NFAT5: variants seen among roughly 807,000 people sequenced by gnomAD.
NFAT5 encodes nuclear factor of activated T-cells 5.
Under a neutral mutation model 166.5 loss-of-function variants are expected in NFAT5, and 31 were observed. The ratio of observed to expected loss-of-function variants is 0.19; its 90% CI spans 0.14 to 0.25. The LOEUF (loss-of-function observed/expected upper bound fraction) is 0.25, where lower values mean the gene tolerates loss of function less well. Ranked by LOEUF, NFAT5 falls within the 10% of genes least tolerant of loss-of-function variation. NFAT5 has a pLI of 1.00. For missense variants in NFAT5, 1,449 were observed against 1,821.8 expected (o/e 0.80, Z 3.72); for synonymous variants, 612 against 639.7 (o/e 0.96, Z 0.65).
At chr16:69,605,800 G>A (rs991365974) in intron 2 of NFAT5, among the ~76,000 whole-genome samples, 2 of 151,658 alleles carry the variant, frequency 1.3e-5, no homozygotes, top group Non-Finnish European at 2.9e-5. Context: ...TGCAAGCTCC[G>A]CTTCCCGGGT....
intron 11 of NFAT5, chr16:69,685,418 G>C (rs1404863366): frequency 1.3e-5 from 2 of 151,570 alleles, no homozygotes; most frequent in Non-Finnish European, 2.9e-5. Context: ...GTGGTGGCAG[G>C]TGCCCGTAGT....
chr16:69,691,146 T>C lies in NFAT5; in HGVS notation c.1923+58T>C, dbSNP rs537203043. 7 of 1,381,910 alleles carry C rather than the reference T, an allele frequency of 5.1e-6. No homozygotes were observed. In the African/African-American group the frequency reaches 8.8e-5, roughly 17 times the overall value. The allele number at this position is 1,381,910 out of a possible 1,614,324, so 85.6% of individuals were successfully genotyped here. On this transcript the variant is annotated intron_variant, in intron 12 of 14. Transcript: ENST00000349945. ...ATATAAAAATTGCTGTCTTTTACTT[T>C]TCCTATTTTTTTAACATTATTTTTA...
intron 3 of NFAT5, among the ~76,000 whole-genome samples, chr16:69,629,577 G>A (rs2034615332): frequency 1.3e-5 from 2 of 151,910 alleles, no homozygotes; most frequent in South Asian, 2.1e-4. Flanking sequence ...CCAAGTGTCA[G>A]AATCTGGGAG....
At chr16:69,671,791 C>T (rs528225245) in intron 9 of NFAT5, among the ~76,000 whole-genome samples, 1 of 152,286 alleles carries the variant, frequency 6.6e-6, no homozygotes, top group African/African-American at 2.4e-5. Flanking sequence ...AAGACATTAC[C>T]ATCTTGGCAT....
rs527776546 is a variant in NFAT5, at chr16:69,645,596, A to G, written c.254-1432A>G. Among the ~76,000 whole-genome samples, 4 of 152,312 alleles carry G rather than the reference A, an allele frequency of 2.6e-5. No homozygotes were observed. In the East Asian group the frequency reaches 7.7e-4, roughly 29 times the overall value. On this transcript the variant is annotated intron_variant, in intron 3 of 14. Coordinates refer to ENST00000349945, the MANE Select transcript of NFAT5 (RefSeq NM_138713.4). Reference sequence around the variant, plus strand: ...GCACTTGGCTTTTAATTATGTAAACATTGACATTCTTACATTTTGCTCTTT... The same window carrying G: ...GCACTTGGCTTTTAATTATGTAAACGTTGACATTCTTACATTTTGCTCTTT...
At chr16:69,625,602 A>C (rs1388203044) in intron 2 of NFAT5, among the ~76,000 whole-genome samples, 1 of 152,006 alleles carries the variant, frequency 6.6e-6, no homozygotes, top group African/African-American at 2.4e-5. Context: ...ATAATTGGGA[A>C]AAATGAATTA....
At position 69,702,866 on chromosome 16, in the gene NFAT5, G is replaced by A. The variant is rs2037922131; in HGVS notation, c.*6515G>A. Reference sequence around the variant, plus strand: ...TCAGTACTGCCTATAGAGATACAGTGTATTTTATGTACATACACAATTAGT... The same window carrying A: ...TCAGTACTGCCTATAGAGATACAGTATATTTTATGTACATACACAATTAGT... On this transcript the variant is annotated 3_prime_UTR_variant, in exon 15 of 15. Coordinates refer to ENST00000349945, the MANE Select transcript of NFAT5 (RefSeq NM_138713.4). 6.6e-6 allele frequency: 1 copy of A among 152,590 alleles called. No homozygotes were observed. Among genetic ancestry groups the A allele is most frequent in the African/African-American group, 2.4e-5 (1 of 41,444 alleles). The allele number at this position is 152,590 out of a possible 1,614,324, so 9.5% of individuals were successfully genotyped here. A position where few individuals can be genotyped will look rare whatever the true frequency, so the allele number is the denominator to read the frequency against.
chr16:69,625,054 C>T (rs2034391231), intron 2 of NFAT5, among the ~76,000 whole-genome samples: 1 of 152,008 alleles, frequency 6.6e-6, no homozygotes, highest in East Asian at 1.9e-4. Context: ...TGCCCGTCAC[C>T]ATGCCCAGCT....
intron 10 of NFAT5, among the ~76,000 whole-genome samples, chr16:69,684,415 G>C (rs2037202249): frequency 6.6e-6 from 1 of 150,762 alleles, no homozygotes; most frequent in African/African-American, 2.4e-5. Context: ...AAAAAAATTA[G>C]CTGGGAGTGG....
intron 2 of NFAT5, among the ~76,000 whole-genome samples, chr16:69,605,123 A>T (rs2033336812): frequency 6.6e-6 from 1 of 152,166 alleles, no homozygotes; most frequent in South Asian, 2.1e-4. Context: ...ATGTTTAAAA[A>T]TTCTATAAAA....
intron 2 of NFAT5, among the ~76,000 whole-genome samples, chr16:69,609,819 GAAAAAAAAA>G (rs1157655325): frequency 1.3e-5 from 1 of 75,322 alleles, no homozygotes; most frequent in Non-Finnish European, 2.7e-5. Flanking sequence ...TGTCTCTACT[GAAAAAAAAA>G]AAAAAAAAAA....
chr16:69,675,750 C>A (rs13331071), intron 9 of NFAT5, among the ~76,000 whole-genome samples: 13,574 of 152,156 alleles, frequency 0.089, 848 homozygotes, highest in East Asian at 0.33. Context: ...AGCGATTCTT[C>A]TGCCTCAGCC....
intron 2 of NFAT5, among the ~76,000 whole-genome samples, chr16:69,587,595 G>T (rs1446457259): frequency 2.6e-5 from 4 of 151,970 alleles, no homozygotes; most frequent in Non-Finnish European, 4.4e-5. Flanking sequence ...TGTCATGTTG[G>T]CCAGGCTGGT....
At chr16:69,629,972 T>C (rs2034639520) in intron 3 of NFAT5, among the ~76,000 whole-genome samples, 1 of 151,418 alleles carries the variant, frequency 6.6e-6, no homozygotes, top group Non-Finnish European at 1.5e-5. Context: ...AGTCTCACTC[T>C]GTCGCCCAGG....
chr16:69,566,791 C>T lies in NFAT5; in HGVS notation c.73+417C>T, dbSNP rs2016077799. 6.6e-6 allele frequency among the ~76,000 whole-genome samples: 1 copy of T among 152,166 alleles called. No individual in the cohort carries two copies. Among genetic ancestry groups the T allele is most frequent in the Non-Finnish European group, 1.5e-5 (1 of 68,012 alleles). On this transcript the variant is annotated intron_variant, in intron 1 of 14. Transcript: ENST00000349945. This position sits in a 1 kb window ranked among gnomAD's most constrained non-coding sequence, Gnocchi z 5.7. Reference sequence around the variant, plus strand: ...GTCTTCTCTTACCGGGACCCTCCTCCCCAGCAAAGTTGCCCCCAAGCGGGC... The same window carrying T: ...GTCTTCTCTTACCGGGACCCTCCTCTCCAGCAAAGTTGCCCCCAAGCGGGC...
chr16:69,586,051 C>T (rs767994747), intron 2 of NFAT5, among the ~76,000 whole-genome samples: 7 of 135,770 alleles, frequency 5.2e-5, no homozygotes, highest in Middle Eastern at 4.0e-3. Context: ...TTTCAAAAAA[C>T]AAGAAATTTT....
chr16:69,577,700 C>T (rs1044422338), intron 2 of NFAT5, among the ~76,000 whole-genome samples: 7 of 152,108 alleles, frequency 4.6e-5, no homozygotes, highest in Non-Finnish European at 7.4e-5. Flanking sequence ...TGTTCTCTGT[C>T]TTGACCATGT....
chr16:69,683,257 C>T (rs2037146239), intron 10 of NFAT5, among the ~76,000 whole-genome samples: 1 of 151,990 alleles, frequency 6.6e-6, no homozygotes, highest in Non-Finnish European at 1.5e-5. Context: ...TAAGGCCAAG[C>T]ACGGTGGTTC....
chr16:69,690,845 GA>G, intron 11 of NFAT5, 94 bp from the exon 12 acceptor site: 1 of 1,020,292 alleles, frequency 9.8e-7, no homozygotes, highest in Non-Finnish European at 1.4e-6. Context: ...CAAAAAAATA[GA>G]CATTTAAATC....
Sources: gnomAD v4.1 joint callset for allele counts (sites outside exome capture counted in the v4.1 genomes callset) on GRCh38, gnomAD v4.1.1 for gene constraint, Gnocchi (gnomAD v3.1) non-coding constraint, MANE v1.5 for transcripts, NCBI Gene and HGNC (gene_info 2026-07-23, HGNC 2026-07-21) for gene names.